Variants in VCL observed in about 807,000 individuals in gnomAD.
VCL encodes the protein epididymis luminal protein 114.
VCL carries 47 observed loss-of-function variants against 125.7 expected under a neutral mutation model. That is an observed-to-expected ratio of 0.37 (90% CI 0.30 to 0.48). The LOEUF (loss-of-function observed/expected upper bound fraction) is 0.48, where lower values mean the gene tolerates loss of function less well. Among genes scored for constraint, VCL ranks in the 20% least tolerant of loss-of-function variants. VCL has a pLI of 0.99. For synonymous variants in VCL, 458 were observed against 514.6 expected (o/e 0.89, Z 1.49); for missense variants, 1,069 against 1,455.5 (o/e 0.73, Z 4.32).
intron 6 of VCL, among the ~76,000 whole-genome samples, chr10:74,081,264 A>G (rs1839669932): frequency 2.0e-5 from 3 of 152,214 alleles, no homozygotes; most frequent in South Asian, 4.1e-4. Flanking sequence ...CCGACAGTTG[A>G]GAGATCTGTC....
At chr10:74,039,562 C>T (rs571599161) in intron 1 of VCL, among the ~76,000 whole-genome samples, 7 of 151,734 alleles carry the variant, frequency 4.6e-5, no homozygotes, top group South Asian at 2.1e-4. Context: ...GCAGGAGGAT[C>T]GCTTGAGCAT....
Position 74,101,101 on chromosome 10 carries a change from G to C in VCL, c.2022+4G>C. On this transcript the variant is annotated splice_donor_region_variant and intron_variant, in intron 14 of 21. Coordinates refer to ENST00000211998, the MANE Select transcript of VCL (RefSeq NM_014000.3). ...GGCCCGAGAACTCACACCCCAGGTT[G>C]GGTTTTGCTCATTCCTCATACAGTG... 1 of 1,612,462 alleles carries C rather than the reference G, an allele frequency of 6.2e-7. No homozygotes were observed. Among genetic ancestry groups the C allele is most frequent in the Non-Finnish European group, 8.5e-7 (1 of 1,179,126 alleles).
chr10:74,093,051 C>A (rs1430149311), intron 10 of VCL, among the ~76,000 whole-genome samples: 1 of 152,150 alleles, frequency 6.6e-6, no homozygotes, highest in East Asian at 1.9e-4. Flanking sequence ...AATCCTAGCA[C>A]TTTGGGAGGC....
intron 2 of VCL, among the ~76,000 whole-genome samples, chr10:74,053,393 T>C (rs1841340437): frequency 6.6e-6 from 1 of 152,170 alleles, no homozygotes; most frequent in East Asian, 1.9e-4. Flanking sequence ...AAAATCTCTG[T>C]TGTATCTAGT....
intron 8 of VCL, among the ~76,000 whole-genome samples, chr10:74,084,170 TG>T (rs1307215177): frequency 6.6e-6 from 1 of 152,168 alleles, no homozygotes; most frequent in Non-Finnish European, 1.5e-5. Flanking sequence ...CGGCCACACC[TG>T]GCTAATTTTT....
At chr10:74,099,553 G>T (rs927816078) in intron 13 of VCL, among the ~76,000 whole-genome samples, 3 of 152,130 alleles carry the variant, frequency 2.0e-5, no homozygotes, top group Non-Finnish European at 2.9e-5. Context: ...CTTGAGATGA[G>T]GATATTGTGT....
intron 2 of VCL, among the ~76,000 whole-genome samples, chr10:74,060,502 A>G (rs1841463003): frequency 6.6e-6 from 1 of 151,688 alleles, no homozygotes; most frequent in African/African-American, 2.4e-5. Context: ...AAAATACAAA[A>G]AAAATTAGCT....
At chr10:74,094,648 T>C (rs1226551119) in intron 11 of VCL, among the ~76,000 whole-genome samples, 187 bp downstream of exon 11, 1 of 152,162 alleles carries the variant, frequency 6.6e-6, no homozygotes, top group Non-Finnish European at 1.5e-5. Context: ...AGACCAGGCA[T>C]GGTGGCTCAT....
At chr10:74,014,459 T>C (rs1407519722) in intron 1 of VCL, among the ~76,000 whole-genome samples, 4 of 151,164 alleles carry the variant, frequency 2.6e-5, no homozygotes, top group African/African-American at 4.9e-5. Context: ...GGTCTTGAAC[T>C]CCTGGACTTA....
At chr10:74,076,350 TG>T (rs1839586022) in intron 6 of VCL, 2 of 152,734 alleles carry the variant, frequency 1.3e-5, no homozygotes, top group Admixed American at 6.5e-5. Context: ...GCTATCAGGC[TG>T]CCTATATTTG....
At chr10:74,014,691 C>T (rs961393623) in intron 1 of VCL, among the ~76,000 whole-genome samples, 1 of 151,710 alleles carries the variant, frequency 6.6e-6, no homozygotes, top group African/African-American at 2.4e-5. Context: ...TCATCATATT[C>T]TGGAACAGCC....
chr10:74,031,516 T>G (rs1207138720), intron 1 of VCL, among the ~76,000 whole-genome samples: 5 of 152,160 alleles, frequency 3.3e-5, no homozygotes, highest in Non-Finnish European at 5.9e-5. Context: ...GAATAAAACA[T>G]GGGAGTAAAT....
Position 74,114,867 on chromosome 10 carries a change from C to T in VCL, c.3226C>T (p.Arg1076Trp), listed in dbSNP as rs397517241. 9 of 1,603,720 alleles carry T rather than the reference C, an allele frequency of 5.6e-6. No individual in the cohort carries two copies. The highest frequency in any genetic ancestry group is 2.7e-5 in the African/African-American group (2 of 74,324). The stretch of plus-strand genomic sequence containing the variant: ...CACAGTGAAGGCCACCATGCTGGGC[C>T]GGACCAACATCAGTGATGAGGAGTC... ...LSTVKATMLGRTNISDEESEQ... is the reference protein window; with the variant it reads ...LSTVKATMLGWTNISDEESEQ... The change falls in exon 21 of 22, where the codon CGG becomes TGG. Residue 1076 changes from arginine (R) to tryptophan (W), a missense_variant. Around this residue, in one of 6 missense-constraint regions of VCL, gnomAD observed 91 missense variants for 203.9 expected, o/e 0.45. Transcript: ENST00000211998.
intron 1 of VCL, 100 bp from the exon 2 acceptor site, chr10:74,042,983 G>T: frequency 8.2e-7 from 1 of 1,215,290 alleles, no homozygotes. Flanking sequence ...AAACTTTAAT[G>T]ATAGATTATG....
chr10:74,114,874 A>G lies in VCL; in HGVS notation c.3233A>G (p.Asn1078Ser), dbSNP rs1840287891. ...TVKATMLGRT[N>S]ISDEESEQAT... ...AAGGCCACCATGCTGGGCCGGACCA[A>G]CATCAGTGATGAGGAGTCTGAGCAG... is the stretch of plus-strand genomic sequence containing the variant. The change falls in exon 21 of 22, where the codon AAC becomes AGC. Residue 1078 changes from asparagine to serine, a missense_variant. By Grantham distance (46) the Asn-to-Ser change is conservative. This residue lies in a region of VCL where 91 missense variants were observed against 203.9 expected (regional missense o/e 0.45). Coordinates refer to ENST00000211998, the MANE Select transcript of VCL (RefSeq NM_014000.3). The G allele has an allele frequency of 3.1e-6, 5 of 1,601,206 alleles. No individual in the cohort carries two copies. Among genetic ancestry groups the G allele is most frequent in the African/African-American group, 1.3e-5 (1 of 74,438 alleles).
At chr10:74,028,786 T>C (rs1840821332) in intron 1 of VCL, among the ~76,000 whole-genome samples, 1 of 152,208 alleles carries the variant, frequency 6.6e-6, no homozygotes, top group Admixed American at 6.5e-5. Flanking sequence ...AATTATTGCT[T>C]GATTTCCTGT....
chr10:74,107,416 A>G, intron 17 of VCL, 62 bp downstream of exon 17: 8 of 1,613,182 alleles, frequency 5.0e-6, no homozygotes, highest in Non-Finnish European at 6.8e-6. Context: ...AGCAAGAGAG[A>G]GGTAGATTGT....
At chr10:74,051,892 A>ACAGCAGCAGCAGCAGCAG (rs139111479) in intron 2 of VCL, among the ~76,000 whole-genome samples, 1 of 151,592 alleles carries the variant, frequency 6.6e-6, no homozygotes, top group South Asian at 2.1e-4. Flanking sequence ...GCAGCAGTGT[A>ACAGCAGCAGCAGCAGCAG]CAGCAGCAGC....
At chr10:74,113,611 T>C (rs1203981181) in intron 19 of VCL, among the ~76,000 whole-genome samples, 1 of 150,692 alleles carries the variant, frequency 6.6e-6, no homozygotes, top group East Asian at 2.0e-4. Flanking sequence ...CAGCTGAGAA[T>C]AGTTACTTGG....
Sources: gnomAD v4.1 joint callset for allele counts (sites outside exome capture counted in the v4.1 genomes callset) on GRCh38, gnomAD v4.1.1 for gene constraint, gnomAD v4.1.1 regional missense constraint, MANE v1.5 for transcripts, NCBI Gene and HGNC (gene_info 2026-07-23, HGNC 2026-07-21) for gene names.